The following STPG2 variants were observed in gnomAD, a reference collection of about 807,000 sequenced individuals.
The protein encoded by STPG2 is sperm tail PG-rich repeat containing 2, also known as sperm-tail PG-rich repeat-containing protein 2.
Under a neutral mutation model 54.2 loss-of-function variants are expected in STPG2, and 56 were observed. The observed-to-expected ratio is 1.03, with a 90% CI of 0.83 to 1.29. The LOEUF is 1.29. Among genes scored for constraint, STPG2 ranks in the 50% most tolerant of loss-of-function variants. The pLI is 0.00. For missense variants in STPG2, 596 were observed against 544.9 expected (o/e 1.09, Z -0.93); for synonymous variants, 200 against 181.8 (o/e 1.10, Z -0.81).
At chr4:97,721,197 CG>C (rs1319859942) in intron 9 of STPG2, among the ~76,000 whole-genome samples, 34 of 152,048 alleles carry the variant, frequency 2.2e-4, no homozygotes, top group African/African-American at 8.0e-4. Flanking sequence ...CAAGTAAAAA[CG>C]AATTGCTCAA....
At chr4:98,118,468 G>A (rs1479654201) in intron 3 of STPG2, among the ~76,000 whole-genome samples, 5 of 151,994 alleles carry the variant, frequency 3.3e-5, no homozygotes, top group Non-Finnish European at 5.9e-5. Context: ...TGGAAGTAGC[G>A]AGTCAAATAT....
chr4:97,665,618 C>T (rs1020174294), intron 10 of STPG2, among the ~76,000 whole-genome samples: 2 of 152,150 alleles, frequency 1.3e-5, no homozygotes, highest in African/African-American at 4.8e-5. Flanking sequence ...GTCCACAGGG[C>T]TGGAATCCTG....
At chr4:97,812,201 T>C (rs1727761746) in intron 9 of STPG2, among the ~76,000 whole-genome samples, 1 of 152,106 alleles carries the variant, frequency 6.6e-6, no homozygotes, top group African/African-American at 2.4e-5. Context: ...AAATTATCTT[T>C]TCTGTACTTT....
rs544785288 is a variant in STPG2, at chr4:97,527,153, C to G, written c.462+185546G>C. 1.3e-4 allele frequency among the ~76,000 whole-genome samples: 20 copies of G among 152,122 alleles called. No homozygotes were observed. In the East Asian group the frequency reaches 3.7e-3, roughly 28 times the overall value. On this transcript the variant is annotated intron_variant, in intron 4 of 4. Transcript: ENST00000522676. Reference sequence around the variant, plus strand: ...TCCTAGTGCTATCCCTCCCCTAGCCCCCCACCAACTGACAGACCCTGGTGT... The same window carrying G: ...TCCTAGTGCTATCCCTCCCCTAGCCGCCCACCAACTGACAGACCCTGGTGT...
intron 9 of STPG2, among the ~76,000 whole-genome samples, chr4:97,715,143 T>C (rs954356786): frequency 2.0e-5 from 3 of 152,196 alleles, no homozygotes; most frequent in African/African-American, 7.2e-5. Flanking sequence ...CAAAGCCTTA[T>C]CATACTTAGT....
At chr4:97,888,662 T>C (rs889043284) in intron 8 of STPG2, among the ~76,000 whole-genome samples, 5 of 152,168 alleles carry the variant, frequency 3.3e-5, no homozygotes, top group Non-Finnish European at 7.3e-5. Flanking sequence ...TTTGAGTCAA[T>C]GCTGAAATGA....
At chr4:97,886,584 G>T (rs1314430285) in intron 8 of STPG2, among the ~76,000 whole-genome samples, 1 of 152,168 alleles carries the variant, frequency 6.6e-6, no homozygotes. Context: ...TATGTTTCTG[G>T]AAGAACTCAA....
chr4:97,660,305 A>G (rs1218225998), intron 10 of STPG2, among the ~76,000 whole-genome samples: 1 of 152,160 alleles, frequency 6.6e-6, no homozygotes, highest in Non-Finnish European at 1.5e-5. Flanking sequence ...CGGCCTGTAG[A>G]TGAATCTTTA....
intron 10 of STPG2, among the ~76,000 whole-genome samples, chr4:97,643,959 A>G (rs1368810553): frequency 6.6e-6 from 1 of 151,858 alleles, no homozygotes; most frequent in African/African-American, 2.4e-5. Flanking sequence ...AAGGAGATGA[A>G]TGTCTTTTAA....
chr4:97,998,767 T>G (rs2149274159), intron 5 of STPG2, among the ~76,000 whole-genome samples: 1 of 152,236 alleles, frequency 6.6e-6, no homozygotes, highest in African/African-American at 2.4e-5. Flanking sequence ...CTACTGTTGG[T>G]GCTAGTTAGG....
intron 8 of STPG2, among the ~76,000 whole-genome samples, chr4:97,867,457 A>AT (rs1048047795): frequency 2.6e-5 from 4 of 151,886 alleles, no homozygotes; most frequent in Admixed American, 6.6e-5. Flanking sequence ...GTAAATTCTC[A>AT]TTTTTTTCTC....
At chr4:97,596,979 T>A (rs1027312905) in intron 10 of STPG2, among the ~76,000 whole-genome samples, 4 of 151,938 alleles carry the variant, frequency 2.6e-5, no homozygotes, top group Middle Eastern at 3.2e-3. Flanking sequence ...TCCAAGAGTT[T>A]GTTTTCATGA....
At chr4:97,838,117 T>C in intron 9 of STPG2, among the ~76,000 whole-genome samples, 1 of 151,554 alleles carries the variant, frequency 6.6e-6, no homozygotes, top group East Asian at 1.9e-4. Flanking sequence ...TATATACATA[T>C]AACAATACTA....
chr4:97,532,987 A>G lies in STPG2; in HGVS notation c.462+179712T>C, dbSNP rs556021430. On this transcript the variant is annotated intron_variant, in intron 4 of 4. Coordinates refer to the STPG2 transcript ENST00000522676. ...AAGCTCTGCCTCCCGGGTTCATGCC[A>G]TTCTCCTGCCTCAGCCTCCCAAGCA... 1.2e-4 allele frequency among the ~76,000 whole-genome samples: 18 copies of G among 152,160 alleles called. No homozygotes were observed. The East Asian group carries it at 3.3e-3, about 28-fold the overall frequency.
At chr4:97,739,766 G>C (rs528789781) in intron 9 of STPG2, among the ~76,000 whole-genome samples, 34 of 152,292 alleles carry the variant, frequency 2.2e-4, no homozygotes, top group African/African-American at 6.3e-4. Flanking sequence ...TGGATTCACA[G>C]CCAAATTCTA....
At chr4:97,561,420 T>G (rs139472075) in intron 10 of STPG2, among the ~76,000 whole-genome samples, 2,605 of 152,286 alleles carry the variant, frequency 0.017, 68 homozygotes, top group African/African-American at 0.058. Context: ...TGATGGTAGT[T>G]TCTTTTGCTG....
chr4:97,773,622 T>C (rs1726282914), intron 9 of STPG2, among the ~76,000 whole-genome samples: 1 of 152,122 alleles, frequency 6.6e-6, no homozygotes, highest in Non-Finnish European at 1.5e-5. Flanking sequence ...TGCTTTTAAA[T>C]AAATAGAAAA....
At chr4:98,123,651 A>C (rs894711858) in intron 3 of STPG2, among the ~76,000 whole-genome samples, 4 of 152,186 alleles carry the variant, frequency 2.6e-5, no homozygotes, top group African/African-American at 9.7e-5. Flanking sequence ...TGCCGAGAAG[A>C]ACGTATATTC....
intron 8 of STPG2, among the ~76,000 whole-genome samples, chr4:97,879,184 A>T (rs1232808477): frequency 6.6e-6 from 1 of 152,214 alleles, no homozygotes; most frequent in African/African-American, 2.4e-5. Flanking sequence ...GTCTCTAGGA[A>T]GTTCCAAACT....
Sources: allele counts gnomAD v4.1 joint callset (sites outside exome capture counted in the v4.1 genomes callset), GRCh38; gene constraint gnomAD v4.1.1; transcripts MANE v1.5; gene names NCBI Gene and HGNC (gene_info 2026-07-23, HGNC 2026-07-21).